Variants in KCNH1 observed in about 807,000 individuals in gnomAD.
The protein encoded by KCNH1 is voltage-gated delayed rectifier potassium channel KCNH1.
KCNH1 carries 27 observed loss-of-function variants against 69.2 expected under a neutral mutation model. That is an observed-to-expected ratio of 0.39 (90% CI 0.29 to 0.54). The LOEUF (loss-of-function observed/expected upper bound fraction) is 0.54. Ranked by LOEUF, KCNH1 falls within the 20% of genes least tolerant of loss-of-function variation. The pLI, the probability that KCNH1 is intolerant of heterozygous loss-of-function variation, is 0.68. For synonymous variants in KCNH1, 456 were observed against 487.7 expected, an observed-to-expected ratio of 0.93 and a Z score of 0.86; for missense variants, 798 against 1,261.6, an observed-to-expected ratio of 0.63 and a Z score of 5.57.
chr1:211,037,420 C>T (rs1209144188), intron 5 of KCNH1, among the ~76,000 whole-genome samples: 1 of 150,162 alleles, frequency 6.7e-6, no homozygotes. Flanking sequence ...AGAAGGTAAA[C>T]TATTTGTTCA....
At chr1:210,867,029 A>ACAATTCAAT (rs1574305999) in intron 7 of KCNH1, among the ~76,000 whole-genome samples, 2 of 152,208 alleles carry the variant, frequency 1.3e-5, no homozygotes, top group East Asian at 3.9e-4. Flanking sequence ...CACATATTGT[A>ACAATTCAAT]CAATTCAATT....
intron 10 of KCNH1, among the ~76,000 whole-genome samples, chr1:210,749,838 G>A (rs1368891839): frequency 6.6e-6 from 1 of 151,302 alleles, no homozygotes; most frequent in Non-Finnish European, 1.5e-5. Context: ...CTCCTCCCAG[G>A]TTCAAGTGAT....
intron 1 of KCNH1, among the ~76,000 whole-genome samples, chr1:211,117,391 G>C (rs1438327966): frequency 6.6e-6 from 1 of 152,156 alleles, no homozygotes; most frequent in African/African-American, 2.4e-5. Context: ...AGTAGACTTG[G>C]TGCTGTGCCC....
intron 9 of KCNH1, among the ~76,000 whole-genome samples, chr1:210,791,308 C>A (rs1684207503): frequency 6.6e-6 from 1 of 152,206 alleles, no homozygotes. Flanking sequence ...TCTCAAAGTG[C>A]AGTCCTCCAA....
intron 7 of KCNH1, among the ~76,000 whole-genome samples, chr1:210,917,289 G>GAA (rs1293651237): frequency 6.8e-6 from 1 of 146,644 alleles, no homozygotes; most frequent in Non-Finnish European, 1.5e-5. Flanking sequence ...GAAAAGAAAA[G>GAA]AAAGAGAAAC....
At chr1:210,733,695 G>A (rs1443125289) in intron 10 of KCNH1, among the ~76,000 whole-genome samples, 1 of 152,150 alleles carries the variant, frequency 6.6e-6, no homozygotes, top group Non-Finnish European at 1.5e-5. Context: ...TGACTTTGGT[G>A]GGGAAGGGAG....
intron 6 of KCNH1, among the ~76,000 whole-genome samples, chr1:211,003,818 G>A (rs894744053): frequency 3.9e-5 from 6 of 152,178 alleles, no homozygotes; most frequent in African/African-American, 1.4e-4. Context: ...AAAATAATTA[G>A]CAATTGGCCG....
chr1:210,791,267 A>C (rs1407480503), intron 9 of KCNH1, among the ~76,000 whole-genome samples: 1 of 152,220 alleles, frequency 6.6e-6, no homozygotes, highest in East Asian at 1.9e-4. Context: ...TCCACAAAAA[A>C]CATCAAGCGG....
chr1:210,949,279 C>A (rs921761445), intron 6 of KCNH1, among the ~76,000 whole-genome samples: 1 of 152,126 alleles, frequency 6.6e-6, no homozygotes, highest in African/African-American at 2.4e-5. Context: ...GTGTCACAAC[C>A]CTTCTCTCCT....
At chr1:210,745,588 A>C (rs1683130554) in intron 10 of KCNH1, among the ~76,000 whole-genome samples, 1 of 152,236 alleles carries the variant, frequency 6.6e-6, no homozygotes, top group Non-Finnish European at 1.5e-5. Context: ...GTCTCCTGGC[A>C]TCTCCATACT....
chr1:210,800,118 T>C (rs1490274551), intron 8 of KCNH1, among the ~76,000 whole-genome samples: 1 of 152,250 alleles, frequency 6.6e-6, no homozygotes, highest in Non-Finnish European at 1.5e-5. Flanking sequence ...TTCTGCATTC[T>C]TGATCTGGGG....
chr1:210,696,344 A>G (rs1337923396), intron 10 of KCNH1, among the ~76,000 whole-genome samples: 1 of 152,002 alleles, frequency 6.6e-6, no homozygotes, highest in African/African-American at 2.4e-5. Flanking sequence ...GTTTATTTCC[A>G]TTATTTCCAT....
intron 5 of KCNH1, among the ~76,000 whole-genome samples, chr1:211,021,808 A>G (rs1380097740): frequency 2.6e-5 from 4 of 152,306 alleles, no homozygotes; most frequent in Admixed American, 2.6e-4. Flanking sequence ...ATAAAGCTAT[A>G]AAACACTGAG....
chr1:210,808,528 T>C (rs1315053269), intron 7 of KCNH1, among the ~76,000 whole-genome samples: 1 of 152,092 alleles, frequency 6.6e-6, no homozygotes, highest in Non-Finnish European at 1.5e-5. Flanking sequence ...ATAATTATTG[T>C]CTCAATGCCC....
intron 7 of KCNH1, among the ~76,000 whole-genome samples, chr1:210,831,597 G>T (rs1253618989): frequency 6.6e-6 from 1 of 152,146 alleles, no homozygotes; most frequent in African/African-American, 2.4e-5. Context: ...CACTCATGAG[G>T]TCTAATAGCT....
intron 5 of KCNH1, among the ~76,000 whole-genome samples, chr1:211,030,277 T>C (rs1420468030): frequency 6.6e-6 from 1 of 152,216 alleles, no homozygotes; most frequent in African/African-American, 2.4e-5. Context: ...TTTTTAGTTT[T>C]GGTTTTGGGT....
At chr1:210,688,619 C>A (rs974352037) in intron 10 of KCNH1, among the ~76,000 whole-genome samples, 1 of 152,242 alleles carries the variant, frequency 6.6e-6, no homozygotes, top group African/African-American at 2.4e-5. Context: ...TTTCACTCAT[C>A]CTCATTGCAG....
intron 7 of KCNH1, among the ~76,000 whole-genome samples, chr1:210,804,455 G>A (rs1480051470): frequency 6.6e-6 from 1 of 152,212 alleles, no homozygotes; most frequent in Non-Finnish European, 1.5e-5. Flanking sequence ...ACAGCAGTGG[G>A]GGCTAGGCAG....
intron 5 of KCNH1, among the ~76,000 whole-genome samples, chr1:211,079,370 C>T (rs569780893): frequency 2.6e-5 from 4 of 152,262 alleles, no homozygotes; most frequent in African/African-American, 9.6e-5. Context: ...GGATTCACAG[C>T]GAAATTCTAC....
Sources: gnomAD v4.1 joint callset for allele counts (sites outside exome capture counted in the v4.1 genomes callset) on GRCh38, gnomAD v4.1.1 for gene constraint, MANE v1.5 for transcripts, NCBI Gene and HGNC (gene_info 2026-07-23, HGNC 2026-07-21) for gene names.